The following SLCO4A1 variants were observed in gnomAD, a reference collection of about 807,000 sequenced individuals.
SLCO4A1 encodes the protein colon organic anion transporter.
Under a neutral mutation model 64.6 loss-of-function variants are expected in SLCO4A1, and 51 were observed. The ratio of observed to expected loss-of-function variants is 0.79; its 90% CI spans 0.63 to 1.00. The LOEUF is 1.00. SLCO4A1 is among the 50% of genes least tolerant of loss of function. The pLI, the probability that SLCO4A1 is intolerant of heterozygous loss-of-function variation, is 0.00. For missense variants in SLCO4A1, 919 were observed against 980.5 expected, an observed-to-expected ratio of 0.94 and a Z score of 0.84; for synonymous variants, 471 against 444.9, an observed-to-expected ratio of 1.06 and a Z score of -0.74.
downstream of SLCO4A1, among the ~76,000 whole-genome samples, chr20:62,674,304 C>A (rs1414140881): frequency 6.6e-6 from 1 of 152,142 alleles, no homozygotes. Context: ...GTCCATGGGG[C>A]CCTCGGGGAG....
In SLCO4A1 at chr20:62,644,361, C is replaced by A. The variant is rs984429513; in HGVS notation, c.-97+1808C>A. Reference sequence around the variant, plus strand: ...AAATTCTTCATGAGGGAGCTTCCCTCCCGAGTGGCCGTGACCTAATCTGTA... The same window carrying A: ...AAATTCTTCATGAGGGAGCTTCCCTACCGAGTGGCCGTGACCTAATCTGTA... On this transcript the variant is annotated intron_variant, in intron 1 of 11. Transcript: ENST00000217159. This position sits in a 1 kb window ranked among gnomAD's most constrained non-coding sequence, Gnocchi z 5.4. Among the ~76,000 whole-genome samples, 4 of 152,256 alleles carry A rather than the reference C, an allele frequency of 2.6e-5. No individual in the cohort carries two copies. Among genetic ancestry groups the A allele is most frequent in the African/African-American group, 9.6e-5 (4 of 41,470 alleles).
At chr20:62,650,398 C>A (rs1010918609) in intron 1 of SLCO4A1, 2 of 152,370 alleles carry the variant, frequency 1.3e-5, no homozygotes, top group Non-Finnish European at 2.9e-5. Flanking sequence ...GAGGCCCTTC[C>A]AGCCCCTGAA....
downstream of SLCO4A1, among the ~76,000 whole-genome samples, chr20:62,675,201 C>G (rs913299124): frequency 6.6e-6 from 1 of 152,162 alleles, no homozygotes; most frequent in Non-Finnish European, 1.5e-5. Flanking sequence ...GGAGCGGCCC[C>G]CAAAGCGACT....
At position 62,671,080 on chromosome 20, in the gene SLCO4A1, G is replaced by A. The variant is rs138546365; in HGVS notation, c.2026-670G>A. On this transcript the variant is annotated intron_variant, in intron 11 of 11. Transcript: ENST00000217159. Reference sequence around the variant, plus strand: ...CCTCTTGCCCTGCAAAGTCGGTGCAGCCCCTCATTGTTGACAAAGAAACCA... The same window carrying A: ...CCTCTTGCCCTGCAAAGTCGGTGCAACCCCTCATTGTTGACAAAGAAACCA... Among the ~76,000 whole-genome samples, 22 of 152,318 alleles carry A rather than the reference G, an allele frequency of 1.4e-4. No individual in the cohort carries two copies. The East Asian group carries it at 4.3e-3, about 29-fold the overall frequency.
rs772877844 is a variant in SLCO4A1 at position 62,656,716 on chromosome 20, T to C, written c.262T>C (p.Trp88Arg). ...GGCCGGGCAGAGCGTGGCGTGCGGC[T>C]GGTGGGCCTTCGCACCGCCGTGCCT... is the stretch of plus-strand genomic sequence containing the variant. ...VSAGQSVACG[W>R]WAFAPPCLQV... The change falls in exon 2 of 12, where the codon TGG becomes CGG. Residue 88 changes from tryptophan to arginine, a missense_variant. Physicochemically the swap from Trp to Arg is moderately radical, Grantham distance 101 (BLOSUM62 -3). Transcript: ENST00000217159. 8.8e-5 allele frequency: 142 copies of C among 1,610,734 alleles called. 4 individuals are homozygous for C. In the South Asian group the frequency reaches 1.5e-3, roughly 17 times the overall value.
At chr20:62,680,814 T>A (rs980112745) in intron 2 of SLCO4A1, among the ~76,000 whole-genome samples, 3 of 152,244 alleles carry the variant, frequency 2.0e-5, no homozygotes, top group Non-Finnish European at 2.9e-5. Flanking sequence ...ATGAAAGATA[T>A]TGGTCTCTAG....
chr20:62,666,745 G>A lies in SLCO4A1; in HGVS notation c.1472+170G>A, dbSNP rs551452952. 1.1e-4 allele frequency: 68 copies of A among 634,710 alleles called. 1 individual carries two copies. In the East Asian group the frequency reaches 1.8e-3, roughly 17 times the overall value. 39.3% of individuals were successfully genotyped at this position (634,710 alleles called of 1,614,324 possible). A position where few individuals can be genotyped will look rare whatever the true frequency, so the allele number is the denominator to read the frequency against. ...CAGCAGGGCACCCGGCAGCATCCAC[G>A]TGAAAAGGCACCATGCCAGCCCCCA... On this transcript the variant is annotated intron_variant, in intron 7 of 11. Coordinates refer to ENST00000217159, the MANE Select transcript of SLCO4A1 (RefSeq NM_016354.4).
At chr20:62,668,232 C>T in intron 9 of SLCO4A1, 48 bp downstream of exon 9, 1 of 1,599,904 alleles carries the variant, frequency 6.3e-7, no homozygotes, top group East Asian at 2.2e-5. Context: ...CCTTGCAGCA[C>T]CCTGAGGCGG....
intron 4 of SLCO4A1, among the ~76,000 whole-genome samples, chr20:62,660,771 C>G (rs192727244): frequency 1.3e-5 from 2 of 152,330 alleles, no homozygotes; most frequent in African/African-American, 4.8e-5. Flanking sequence ...GCTTCTCCCC[C>G]TCAGGCCACG....
At chr20:62,689,466 C>G (rs747270853), downstream of SLCO4A1, among the ~76,000 whole-genome samples, 3 of 152,236 alleles carry the variant, frequency 2.0e-5, no homozygotes, top group Non-Finnish European at 4.4e-5. Flanking sequence ...AACGGACAGA[C>G]GGACAGATGC....
At chr20:62,690,260 C>T (rs115837194), downstream of SLCO4A1, among the ~76,000 whole-genome samples, 119 of 152,352 alleles carry the variant, frequency 7.8e-4, no homozygotes, top group African/African-American at 2.8e-3. Context: ...GACAGACAAC[C>T]TCTGGGTGTC....
downstream of SLCO4A1, among the ~76,000 whole-genome samples, chr20:62,690,030 G>A (rs375994001): frequency 6.6e-6 from 1 of 152,186 alleles, no homozygotes. Context: ...CCTGCTTTGC[G>A]CCTGCGCGGC....
At chr20:62,683,583 T>C (rs113619235) in intron 2 of SLCO4A1, among the ~76,000 whole-genome samples, 23 of 152,312 alleles carry the variant, frequency 1.5e-4, no homozygotes, top group African/African-American at 5.5e-4. Context: ...CTATTGTTGG[T>C]GCACCTTTTC....
At chr20:62,647,361 G>A (rs947367851) in intron 1 of SLCO4A1, among the ~76,000 whole-genome samples, 2 of 152,194 alleles carry the variant, frequency 1.3e-5, no homozygotes, top group Non-Finnish European at 2.9e-5. Flanking sequence ...CCTCAGAGCC[G>A]TCAGGTGCCA....
intron 2 of SLCO4A1, among the ~76,000 whole-genome samples, chr20:62,677,499 C>T (rs1401309666): frequency 6.6e-6 from 1 of 152,182 alleles, no homozygotes; most frequent in African/African-American, 2.4e-5. Context: ...AATCTCCCTC[C>T]CTGCTCACTT....
intron 1 of SLCO4A1, chr20:62,643,120 G>A (rs926588924): frequency 6.9e-6 from 3 of 436,560 alleles, no homozygotes; most frequent in Admixed American, 2.7e-5. Flanking sequence ...ACATCTCCGG[G>A]AGGGGAGCGC....
At chr20:62,668,369 G>A (rs914170312) in intron 9 of SLCO4A1, 108 bp from the exon 10 acceptor site, 3 of 1,313,262 alleles carry the variant, frequency 2.3e-6, no homozygotes, top group African/African-American at 1.4e-5. Flanking sequence ...CACTTGGGGG[G>A]GGGTGATGAT....
At chr20:62,654,617 G>A (rs1422847559) in intron 1 of SLCO4A1, among the ~76,000 whole-genome samples, 3 of 152,224 alleles carry the variant, frequency 2.0e-5, no homozygotes, top group Non-Finnish European at 4.4e-5. Flanking sequence ...ATGTGGCCCC[G>A]GCCTCAGCCT....
chr20:62,668,826 T>G, intron 10 of SLCO4A1, 104 bp from the exon 11 acceptor site: 1 of 1,222,156 alleles, frequency 8.2e-7, no homozygotes, highest in Non-Finnish European at 1.1e-6. Context: ...CAACGGCCAG[T>G]ATCACCTTCC....
Sources: gnomAD v4.1 joint callset for allele counts (sites outside exome capture counted in the v4.1 genomes callset) on GRCh38, gnomAD v4.1.1 for gene constraint, Gnocchi (gnomAD v3.1) non-coding constraint, MANE v1.5 for transcripts, NCBI Gene and HGNC (gene_info 2026-07-23, HGNC 2026-07-21) for gene names.